The following RYR2 variants were observed in gnomAD, a reference collection of about 807,000 sequenced individuals.
RYR2 encodes cardiac muscle ryanodine receptor-calcium release channel.
A neutral mutation model predicts 601.1 loss-of-function variants in RYR2; 227 were observed. The observed-to-expected ratio is 0.38, with a 90% CI of 0.34 to 0.42. The LOEUF (loss-of-function observed/expected upper bound fraction) is 0.42. Ranked by LOEUF, RYR2 falls within the 10% of genes least tolerant of loss-of-function variation. RYR2 has a pLI of 1.00. For missense variants in RYR2, 4,646 were observed against 6,156.5 expected (o/e 0.75, Z 8.21); for synonymous variants, 2,223 against 2,175.1 (o/e 1.02, Z -0.61).
intron 24 of RYR2, among the ~76,000 whole-genome samples, chr1:237,525,520 G>A (rs112643257): frequency 0.019 from 2,814 of 151,732 alleles, 25 homozygotes; most frequent in Non-Finnish European, 0.023. Context: ...GCATGATCTC[G>A]GCTGACTGAA....
chr1:237,289,987 A>C (rs1016612992), intron 2 of RYR2, among the ~76,000 whole-genome samples: 3 of 152,206 alleles, frequency 2.0e-5, no homozygotes, highest in Non-Finnish European at 4.4e-5. Flanking sequence ...TCAGTTCCTT[A>C]TAAAATTCAG....
chr1:237,795,824 A>ATGTG (rs201347190), intron 96 of RYR2, among the ~76,000 whole-genome samples: 329 of 135,708 alleles, frequency 2.4e-3, no homozygotes, highest in African/African-American at 8.4e-3. Flanking sequence ...ACAGGTATGT[A>ATGTG]TGTGTGTGTG....
intron 1 of RYR2, among the ~76,000 whole-genome samples, chr1:237,118,451 G>A (rs1004534316): frequency 4.6e-5 from 7 of 151,364 alleles, no homozygotes; most frequent in Admixed American, 4.0e-4. Flanking sequence ...GGAAACACAA[G>A]TACAATTTTT....
intron 1 of RYR2, among the ~76,000 whole-genome samples, chr1:237,108,932 G>A (rs1423587064): frequency 6.6e-6 from 1 of 152,174 alleles, no homozygotes; most frequent in Non-Finnish European, 1.5e-5. Context: ...TGCTTCACTA[G>A]TTTATTTTCA....
At chr1:237,641,057 C>G (rs1488879419) in intron 47 of RYR2, 55 bp downstream of exon 47, 6 of 1,286,342 alleles carry the variant, frequency 4.7e-6, no homozygotes, top group South Asian at 4.4e-5. Context: ...GTTAAGACAT[C>G]TATAGCTGTC....
At chr1:237,090,116 A>G (rs1172493646) in intron 1 of RYR2, among the ~76,000 whole-genome samples, 1 of 152,096 alleles carries the variant, frequency 6.6e-6, no homozygotes, top group Admixed American at 6.5e-5. Context: ...ACTTACTGTC[A>G]CCAGAACAGC....
At chr1:237,113,653 G>C (rs1308880815) in intron 1 of RYR2, among the ~76,000 whole-genome samples, 1 of 152,114 alleles carries the variant, frequency 6.6e-6, no homozygotes, top group Admixed American at 6.5e-5. Flanking sequence ...GTGAGGAACA[G>C]ACTGCCATGA....
Position 237,188,404 on chromosome 1 carries a change from C to T in RYR2, c.49-82093C>T, listed in dbSNP as rs753896571. Among the ~76,000 whole-genome samples, 20 of 151,958 alleles carry T rather than the reference C, an allele frequency of 1.3e-4. No individual in the cohort carries two copies. In the East Asian group the frequency reaches 1.4e-3, roughly 10 times the overall value. On this transcript the variant is annotated intron_variant, in intron 1 of 104. Transcript: ENST00000366574. ...GACCCTTTGCAGCACAGGCTTGGGG[C>T]GTGACCTCAGGATGTGACTGCACCA...
At chr1:237,681,676 G>A (rs917138369) in intron 62 of RYR2, among the ~76,000 whole-genome samples, 34 of 152,194 alleles carry the variant, frequency 2.2e-4, no homozygotes, top group Admixed American at 2.2e-3. Context: ...GAGAGGCAAT[G>A]CAGTTACTTT....
chr1:237,488,570 T>A (rs1234234662), intron 17 of RYR2, among the ~76,000 whole-genome samples: 1 of 152,128 alleles, frequency 6.6e-6, no homozygotes, highest in Non-Finnish European at 1.5e-5. Flanking sequence ...CCTGCACGTG[T>A]ACATCCACAT....
intron 16 of RYR2, among the ~76,000 whole-genome samples, chr1:237,468,237 T>A (rs1192072178): frequency 6.6e-6 from 1 of 152,196 alleles, no homozygotes; most frequent in African/African-American, 2.4e-5. Flanking sequence ...CATCTTGCCA[T>A]CCTCTTGTAA....
Position 237,422,177 on chromosome 1 carries a change from A to G in RYR2, c.849-915A>G, listed in dbSNP as rs553542662. On this transcript the variant is annotated intron_variant, in intron 11 of 104. Coordinates refer to ENST00000366574, the MANE Select transcript of RYR2 (RefSeq NM_001035.3). The stretch of plus-strand genomic sequence containing the variant: ...ACCTTCAGTTAACAAGGTAATGTGC[A>G]AAGCAAGAACAGCTTGTATTTTGAT... 1.2e-4 allele frequency among the ~76,000 whole-genome samples: 18 copies of G among 152,312 alleles called. No homozygotes were observed. In the South Asian group the frequency reaches 3.7e-3, roughly 32 times the overall value.
chr1:237,050,084 A>G (rs561880726), intron 1 of RYR2, among the ~76,000 whole-genome samples: 2 of 152,252 alleles, frequency 1.3e-5, no homozygotes, highest in South Asian at 2.1e-4. Context: ...CGGAGTGTTC[A>G]GAGGACCTAC....
intron 73 of RYR2, among the ~76,000 whole-genome samples, chr1:237,721,984 A>G (rs955972689): frequency 1.3e-5 from 2 of 152,202 alleles, no homozygotes; most frequent in South Asian, 4.1e-4. Context: ...ATTTGATGCT[A>G]TTGAAAAGTA....
intron 56 of RYR2, 123 bp from the exon 57 acceptor site, chr1:237,666,389 C>A: frequency 1.3e-6 from 1 of 761,926 alleles, no homozygotes; most frequent in Non-Finnish European, 2.2e-6. Context: ...TGTATAGAAA[C>A]TTGCCAGTTT....
intron 2 of RYR2, among the ~76,000 whole-genome samples, chr1:237,325,663 G>C (rs1235202900): frequency 6.6e-6 from 1 of 151,968 alleles, no homozygotes; most frequent in South Asian, 2.1e-4. Flanking sequence ...ATTCCAGCCT[G>C]GGTAACAGGG....
intron 17 of RYR2, among the ~76,000 whole-genome samples, chr1:237,474,247 A>C (rs375467560): frequency 0.36 from 45,288 of 127,280 alleles, 5,996 homozygotes; most frequent in East Asian, 0.51. Context: ...ATGTATAGAT[A>C]TATACATATG....
intron 1 of RYR2, among the ~76,000 whole-genome samples, chr1:237,136,817 A>T (rs1249969912): frequency 1.3e-5 from 2 of 152,056 alleles, no homozygotes; most frequent in African/African-American, 2.4e-5. Flanking sequence ...GGAGTTCAAG[A>T]CCAGCCTGGC....
chr1:237,807,039 A>T (rs528104191), intron 99 of RYR2, among the ~76,000 whole-genome samples: 1 of 152,294 alleles, frequency 6.6e-6, no homozygotes, highest in African/African-American at 2.4e-5. Context: ...CACATTTTAA[A>T]ATAATTGCCT....
Sources: allele counts gnomAD v4.1 joint callset (sites outside exome capture counted in the v4.1 genomes callset), GRCh38; gene constraint gnomAD v4.1.1; transcripts MANE v1.5; gene names NCBI Gene and HGNC (gene_info 2026-07-23, HGNC 2026-07-21).